The following PTPRD variants were observed in gnomAD, a reference collection of about 807,000 sequenced individuals.
PTPRD encodes the protein receptor-type tyrosine-protein phosphatase delta.
In PTPRD, 34 loss-of-function variants were observed where a neutral mutation model predicts 214.5. The observed-to-expected ratio is 0.16, with a 90% CI of 0.12 to 0.21. PTPRD has a LOEUF of 0.21. Among genes scored for constraint, PTPRD ranks in the 10% least tolerant of loss-of-function variants. PTPRD has a pLI of 1.00. For synonymous variants in PTPRD, 1,128 were observed against 845.7 expected (o/e 1.33, Z -5.79); for missense variants, 2,545 against 2,398.7 (o/e 1.06, Z -1.27).
rs576961429 is a variant in PTPRD at position 8,429,061 on chromosome 9, C to T, written c.4086+7531G>A. On this transcript the variant is annotated intron_variant, in intron 35 of 45. Coordinates refer to ENST00000381196, the MANE Select transcript of PTPRD (RefSeq NM_002839.4). ...GAAAAGCAATGCGTCCTTAGCATGT[C>T]ATAGAGAACCACTGGGTTTTCCCAG... is the stretch of plus-strand genomic sequence containing the variant. Among the ~76,000 whole-genome samples, 3 of 152,308 alleles carry T rather than the reference C, an allele frequency of 2.0e-5. No individual in the cohort carries two copies. The South Asian group carries it at 6.2e-4, about 32-fold the overall frequency.
At chr9:9,976,562 A>G (rs1304277250) in intron 4 of PTPRD, among the ~76,000 whole-genome samples, 8 of 150,990 alleles carry the variant, frequency 5.3e-5, no homozygotes, top group African/African-American at 1.9e-4. Context: ...AATTTTTTGT[A>G]TTTTTAGTAG....
At chr9:10,059,298 T>C (rs1242872561) in intron 3 of PTPRD, among the ~76,000 whole-genome samples, 1 of 152,152 alleles carries the variant, frequency 6.6e-6, no homozygotes, top group Non-Finnish European at 1.5e-5. Context: ...GCAATACTCA[T>C]GGGCTTCTCC....
chr9:10,150,668 A>C (rs1305977561), intron 3 of PTPRD, among the ~76,000 whole-genome samples: 1 of 151,866 alleles, frequency 6.6e-6, no homozygotes, highest in Non-Finnish European at 1.5e-5. Flanking sequence ...TAAAAAAAAA[A>C]CTTAAAAATG....
intron 5 of PTPRD, among the ~76,000 whole-genome samples, chr9:9,826,663 T>G (rs951281641): frequency 1.3e-5 from 2 of 152,004 alleles, no homozygotes; most frequent in African/African-American, 4.8e-5. Flanking sequence ...TTATAAAACT[T>G]TAAGCAAGAT....
chr9:8,435,920 T>C (rs1279226941), intron 35 of PTPRD, among the ~76,000 whole-genome samples: 2 of 152,208 alleles, frequency 1.3e-5, no homozygotes, highest in Non-Finnish European at 1.5e-5. Flanking sequence ...TAAGATAATA[T>C]ACACATACTC....
At chr9:9,517,778 T>G (rs2096872764) in intron 8 of PTPRD, among the ~76,000 whole-genome samples, 1 of 152,020 alleles carries the variant, frequency 6.6e-6, no homozygotes, top group Non-Finnish European at 1.5e-5. Flanking sequence ...AATTACAAAT[T>G]TTAACACATA....
At chr9:9,212,939 T>C (rs2099949727) in intron 9 of PTPRD, among the ~76,000 whole-genome samples, 1 of 152,344 alleles carries the variant, frequency 6.6e-6, no homozygotes, top group East Asian at 1.9e-4. Flanking sequence ...CTGTAACTTA[T>C]GGAATTAGCC....
rs539517260 is a variant in PTPRD at position 9,684,810 on chromosome 9, G to A, written c.-287+49723C>T. On this transcript the variant is annotated intron_variant, in intron 7 of 45. Transcript: ENST00000381196. The stretch of plus-strand genomic sequence containing the variant: ...TTGCGGTCTTTAGAGCAGTGCAAAT[G>A]AATGATTACAGTCAAGGAATTTAAA... 2.0e-5 allele frequency among the ~76,000 whole-genome samples: 3 copies of A among 151,650 alleles called. No homozygotes were observed. The South Asian group carries it at 6.2e-4, about 31-fold the overall frequency.
intron 7 of PTPRD, among the ~76,000 whole-genome samples, chr9:9,595,528 A>G (rs546996744): frequency 6.1e-4 from 84 of 137,790 alleles, no homozygotes; most frequent in African/African-American, 2.1e-3. Context: ...ATATATACAC[A>G]CGTATGCATA....
intron 4 of PTPRD, among the ~76,000 whole-genome samples, chr9:9,945,097 T>A (rs777367928): frequency 2.6e-5 from 4 of 152,144 alleles, no homozygotes; most frequent in Non-Finnish European, 5.9e-5. Flanking sequence ...AAAGTATAAC[T>A]GTATAGTTTT....
intron 2 of PTPRD, among the ~76,000 whole-genome samples, chr9:10,565,361 G>C (rs920168056): frequency 1.3e-5 from 2 of 151,886 alleles, no homozygotes; most frequent in Admixed American, 1.3e-4. Context: ...GTTCATAATT[G>C]CCTTTAAGAT....
chr9:8,376,466 T>A (rs1159430632), intron 38 of PTPRD, 141 bp downstream of exon 38: 2 of 1,231,114 alleles, frequency 1.6e-6, no homozygotes, highest in Middle Eastern at 2.2e-4. Context: ...GGCTGAGTGA[T>A]AATGGAAGAT....
In PTPRD at chr9:10,096,071, G is replaced by A. The variant is rs552729916; in HGVS notation, c.-544-62281C>T. On this transcript the variant is annotated intron_variant, in intron 3 of 45. Coordinates refer to ENST00000381196, the MANE Select transcript of PTPRD (RefSeq NM_002839.4). The stretch of plus-strand genomic sequence containing the variant: ...ACAACTAATATTCAGTAGGCTTACC[G>A]CATTAGAGTTTGGATTGACCATTCT... Among the ~76,000 whole-genome samples, 12 of 151,620 alleles carry A rather than the reference G, an allele frequency of 7.9e-5. 1 individual carries two copies. Among genetic ancestry groups the A allele is most frequent in the African/African-American group, 2.2e-4 (9 of 41,450 alleles).
At chr9:9,338,177 T>C (rs755655609) in intron 9 of PTPRD, among the ~76,000 whole-genome samples, 4 of 152,194 alleles carry the variant, frequency 2.6e-5, no homozygotes, top group Admixed American at 6.5e-5. Flanking sequence ...TCTAGAGCAA[T>C]GCTCAGTGCT....
At chr9:10,043,164 G>C (rs1276747937) in intron 3 of PTPRD, among the ~76,000 whole-genome samples, 1 of 151,932 alleles carries the variant, frequency 6.6e-6, no homozygotes, top group Non-Finnish European at 1.5e-5. Context: ...TTTTCTGGTT[G>C]TGAATTAAAA....
chr9:9,218,943 T>C (rs1244730095), intron 9 of PTPRD, among the ~76,000 whole-genome samples: 1 of 152,138 alleles, frequency 6.6e-6, no homozygotes, highest in Non-Finnish European at 1.5e-5. Flanking sequence ...ATGTCTCATT[T>C]GTGTAGTCCA....
intron 10 of PTPRD, among the ~76,000 whole-genome samples, chr9:9,077,138 T>TA (rs1396828534): frequency 1.4e-5 from 2 of 137,998 alleles, no homozygotes; most frequent in East Asian, 2.2e-4. Flanking sequence ...TTGCCCATTT[T>TA]AAAATCAGAT....
intron 21 of PTPRD, among the ~76,000 whole-genome samples, chr9:8,515,450 A>C (rs370151516): frequency 6.6e-6 from 1 of 152,208 alleles, no homozygotes; most frequent in Non-Finnish European, 1.5e-5. Context: ...ATCCCACAAA[A>C]ATCCATATGT....
At position 8,342,325 on chromosome 9, in the gene PTPRD, A is replaced by G. The variant is rs554819147; in HGVS notation, c.4662-347T>C. On this transcript the variant is annotated intron_variant, in intron 39 of 45. Transcript: ENST00000381196. ...ACAAACATTTAGTCTGTCCATATTTAGAAGATAGTTTTATATATTGGTCCA... is the reference window on the plus strand; with the variant it reads ...ACAAACATTTAGTCTGTCCATATTTGGAAGATAGTTTTATATATTGGTCCA... 1.4e-4 allele frequency among the ~76,000 whole-genome samples: 22 copies of G among 152,228 alleles called. No individual in the cohort carries two copies. The South Asian group carries it at 4.6e-3, about 32-fold the overall frequency.
Sources: allele counts gnomAD v4.1 joint callset (sites outside exome capture counted in the v4.1 genomes callset), GRCh38; gene constraint gnomAD v4.1.1; transcripts MANE v1.5; gene names NCBI Gene and HGNC (gene_info 2026-07-23, HGNC 2026-07-21).